Variants in CD2AP observed in about 807,000 individuals in gnomAD.
The protein encoded by CD2AP is CD2 associated protein, also known as CD2-associated protein.
A neutral mutation model predicts 85.1 loss-of-function variants in CD2AP; 46 were observed. That is an observed-to-expected ratio of 0.54 (90% CI 0.43 to 0.69). CD2AP has a LOEUF of 0.69. Ranked by LOEUF, CD2AP falls within the 30% of genes least tolerant of loss-of-function variation. CD2AP has a pLI of 0.00. For missense variants in CD2AP, 769 were observed against 729.5 expected, an observed-to-expected ratio of 1.05 and a Z score of -0.62; for synonymous variants, 255 against 252.9, an observed-to-expected ratio of 1.01 and a Z score of -0.08.
At chr6:47,485,474 TTGG>T (rs1765544144) in intron 1 of CD2AP, among the ~76,000 whole-genome samples, 1 of 152,190 alleles carries the variant, frequency 6.6e-6, no homozygotes, top group Admixed American at 6.5e-5. Flanking sequence ...ATACAATGTG[TTGG>T]TGTTGTAAAC....
intron 1 of CD2AP, among the ~76,000 whole-genome samples, chr6:47,478,496 A>C (rs944342415): frequency 6.7e-6 from 1 of 149,014 alleles, no homozygotes; most frequent in African/African-American, 2.4e-5. Context: ...CCTGTTCACC[A>C]GAAAGGTGCG....
At chr6:47,612,885 C>T (rs935474603) in intron 17 of CD2AP, among the ~76,000 whole-genome samples, 2 of 152,084 alleles carry the variant, frequency 1.3e-5, no homozygotes, top group East Asian at 3.9e-4. Flanking sequence ...TAATTAGTGG[C>T]AAGGGTATTC....
intron 17 of CD2AP, among the ~76,000 whole-genome samples, chr6:47,622,959 C>CT (rs1469695042): frequency 6.6e-6 from 1 of 152,190 alleles, no homozygotes; most frequent in East Asian, 1.9e-4. Flanking sequence ...ACACTCCCTA[C>CT]TCCCTCTTCT....
chr6:47,509,650 A>G (rs1039746999), intron 2 of CD2AP, among the ~76,000 whole-genome samples: 2 of 152,168 alleles, frequency 1.3e-5, no homozygotes, highest in African/African-American at 4.8e-5. Flanking sequence ...TTTGATCTAT[A>G]ATAGATTGTC....
At chr6:47,602,592 A>G (rs183613398) in intron 13 of CD2AP, among the ~76,000 whole-genome samples, 100 of 151,588 alleles carry the variant, frequency 6.6e-4, no homozygotes, top group African/African-American at 2.3e-3. Flanking sequence ...CTATGATTAA[A>G]AGGCAATTTC....
intron 5 of CD2AP, among the ~76,000 whole-genome samples, chr6:47,566,964 C>G (rs946098955): frequency 6.6e-6 from 1 of 152,014 alleles, no homozygotes; most frequent in Non-Finnish European, 1.5e-5. Context: ...AGAATAAATC[C>G]TCTTAGCTTT....
In CD2AP at chr6:47,595,980, C is replaced by G. The variant is rs768081296; in HGVS notation, c.1228C>G (p.Pro410Ala). The change falls in exon 12 of 18, where the codon CCA becomes GCA. Residue 410 changes from proline (P) to alanine (A), a missense_variant. Coordinates refer to ENST00000359314, the MANE Select transcript of CD2AP (RefSeq NM_012120.3). ...NLLRSSGTVYPKRPEKPVPPP... is the reference protein window; with the variant it reads ...NLLRSSGTVYAKRPEKPVPPP... ...ACTGAGATCTTCTGGAACAGTGTACCCAAAGCGACCTGAAAAACCAGTTCC... is the reference window on the plus strand; with the variant it reads ...ACTGAGATCTTCTGGAACAGTGTACGCAAAGCGACCTGAAAAACCAGTTCC... The G allele has an allele frequency of 1.9e-6, 3 of 1,612,728 alleles. No homozygotes were observed. Among genetic ancestry groups the G allele is most frequent in the Admixed American group, 1.7e-5 (1 of 59,916 alleles).
intron 16 of CD2AP, among the ~76,000 whole-genome samples, chr6:47,610,983 TTTTG>T (rs1204118693): frequency 1.0e-5 from 1 of 100,180 alleles, no homozygotes; most frequent in African/African-American, 4.1e-5. Context: ...TTTTTTTTTT[TTTTG>T]AATATAAAAC....
intron 3 of CD2AP, among the ~76,000 whole-genome samples, chr6:47,536,673 T>G (rs1767056529): frequency 6.6e-6 from 1 of 152,196 alleles, no homozygotes; most frequent in African/African-American, 2.4e-5. Flanking sequence ...AGTATTAATT[T>G]TTTTTAGAGC....
chr6:47,625,408 C>T lies in CD2AP; in HGVS notation c.*1181C>T, dbSNP rs1057206005. 6.6e-6 allele frequency: 1 copy of T among 151,718 alleles called. No homozygotes were observed. The highest frequency in any genetic ancestry group is 6.6e-5 in the Admixed American group (1 of 15,252). 9.4% of individuals were successfully genotyped at this position (151,718 alleles called of 1,614,324 possible). A position where few individuals can be genotyped will look rare whatever the true frequency, so the allele number is the denominator to read the frequency against. The stretch of plus-strand genomic sequence containing the variant: ...TATAACATTACAGCTTATTTAAAAC[C>T]AAATATAGTTGAACATATTTAAAAT... On this transcript the variant is annotated 3_prime_UTR_variant, in exon 18 of 18. Transcript: ENST00000359314.
chr6:47,618,093 T>A (rs538690614), intron 17 of CD2AP, among the ~76,000 whole-genome samples: 2 of 152,166 alleles, frequency 1.3e-5, no homozygotes, highest in South Asian at 2.1e-4. Context: ...TCAAGGTGGG[T>A]GGATCACCTG....
At chr6:47,578,190 TA>T (rs2114102376) in intron 8 of CD2AP, among the ~76,000 whole-genome samples, 1 of 152,116 alleles carries the variant, frequency 6.6e-6, no homozygotes, top group East Asian at 1.9e-4. Context: ...AAGGTCTTGT[TA>T]ATTAAAAAAA....
intron 17 of CD2AP, among the ~76,000 whole-genome samples, chr6:47,617,506 C>A (rs943968468): frequency 6.6e-6 from 1 of 152,148 alleles, no homozygotes; most frequent in Non-Finnish European, 1.5e-5. Flanking sequence ...TTAAATTTAT[C>A]ATCTTCCTTT....
chr6:47,611,387 GA>G (rs11450292), intron 16 of CD2AP, among the ~76,000 whole-genome samples: 1 of 151,186 alleles, frequency 6.6e-6, no homozygotes, highest in Non-Finnish European at 1.5e-5. Flanking sequence ...AAGAGGGGGG[GA>G]ATAGGATTAA....
chr6:47,534,591 G>C (rs1317522114), intron 3 of CD2AP, among the ~76,000 whole-genome samples: 1 of 152,086 alleles, frequency 6.6e-6, no homozygotes, highest in African/African-American at 2.4e-5. Flanking sequence ...TGTAATTCCA[G>C]CTACTTGGGA....
At chr6:47,520,796 A>G (rs1239468495) in intron 2 of CD2AP, among the ~76,000 whole-genome samples, 1 of 136,422 alleles carries the variant, frequency 7.3e-6, no homozygotes, top group Non-Finnish European at 1.5e-5. Context: ...ATTGTCTAAG[A>G]GCTCTCTGTC....
intron 11 of CD2AP, among the ~76,000 whole-genome samples, chr6:47,586,234 A>G (rs950477633): frequency 6.6e-6 from 1 of 152,236 alleles, no homozygotes; most frequent in African/African-American, 2.4e-5. Context: ...AGAAAGACCC[A>G]AATTGAACCT....
At chr6:47,573,614 G>A (rs538969214) in intron 5 of CD2AP, among the ~76,000 whole-genome samples, 246 of 150,386 alleles carry the variant, frequency 1.6e-3, no homozygotes, top group African/African-American at 5.7e-3. Context: ...TTAGCCTCCC[G>A]AGTAGCTGGG....
chr6:47,578,990 AT>A (rs1768387717), intron 8 of CD2AP, among the ~76,000 whole-genome samples: 1 of 152,146 alleles, frequency 6.6e-6, no homozygotes, highest in African/African-American at 2.4e-5. Flanking sequence ...CTCTGAGAAC[AT>A]TTTAACGTTA....
Sources: allele counts gnomAD v4.1 joint callset (sites outside exome capture counted in the v4.1 genomes callset), GRCh38; gene constraint gnomAD v4.1.1; transcripts MANE v1.5; gene names NCBI Gene and HGNC (gene_info 2026-07-23, HGNC 2026-07-21).